Variants in EPHA8 observed in about 807,000 individuals in gnomAD.
EPHA8 encodes the protein EPH receptor A8, also known as ephrin type-A receptor 8.
A neutral mutation model predicts 103.6 loss-of-function variants in EPHA8; 58 were observed. The observed-to-expected ratio is 0.56, with a 90% CI of 0.45 to 0.70. The LOEUF is 0.70. EPHA8 is among the 30% of genes least tolerant of loss of function. The pLI is 0.00. For synonymous variants in EPHA8, 559 were observed against 572.5 expected (o/e 0.98, Z 0.34); for missense variants, 1,304 against 1,395.2 (o/e 0.93, Z 1.04).
At chr1:22,587,611 G>A (rs1641253564) in intron 4 of EPHA8, among the ~76,000 whole-genome samples, 1 of 152,192 alleles carries the variant, frequency 6.6e-6, no homozygotes, top group Non-Finnish European at 1.5e-5. Context: ...CAGGCCTGGG[G>A]AGGGACCACA....
intron 5 of EPHA8, 79 bp from the exon 6 acceptor site, chr1:22,593,228 GGCTGGAACCAGGATCCCCA>G (rs1273557477): frequency 7.4e-6 from 11 of 1,487,724 alleles, no homozygotes; most frequent in Non-Finnish European, 9.9e-6. Context: ...AGCTGAGCAG[GGCTGGAACCAGGATCCCCA>G]GGTGGAACCT....
chr1:22,576,264 G>C lies in EPHA8; in HGVS notation c.207G>C (p.Thr69=). The part of the protein sequence containing the change: ...EVDESFQPIH[T]YQVCNVMSPN... ...ACGAGTCCTTCCAGCCCATCCACAC[G>C]TACCAGGTTTGCAACGTCATGAGCC... is the stretch of plus-strand genomic sequence containing the variant. The change falls in exon 3 of 17, where the codon ACG becomes ACC. Residue 69 remains threonine, a synonymous_variant. Transcript: ENST00000166244. This position sits in a 1 kb window ranked among gnomAD's most constrained non-coding sequence, Gnocchi z 4.8. The C allele has an allele frequency of 6.2e-7, 1 of 1,613,704 alleles. No individual in the cohort carries two copies. The highest frequency in any genetic ancestry group is 8.5e-7 in the Non-Finnish European group (1 of 1,179,948).
chr1:22,571,421 A>G (rs1339091921), intron 2 of EPHA8, among the ~76,000 whole-genome samples: 1 of 152,182 alleles, frequency 6.6e-6, no homozygotes, highest in Non-Finnish European at 1.5e-5. Context: ...AGCAGGTTCC[A>G]GCTGATGGCA....
At chr1:22,571,918 T>TC (rs975286174) in intron 2 of EPHA8, among the ~76,000 whole-genome samples, 34 of 152,128 alleles carry the variant, frequency 2.2e-4, no homozygotes, top group African/African-American at 8.0e-4. Context: ...ACGCTTGTGG[T>TC]CCCCGCTACT....
rs1641576932 is a variant in EPHA8 at position 22,598,180 on chromosome 1, A to G, written c.2146A>G (p.Met716Val). The change falls in exon 12 of 17, where the codon ATG becomes GTG. Residue 716 changes from methionine to valine, a missense_variant. By Grantham distance (21) the Met-to-Val change is conservative. Coordinates refer to ENST00000166244, the MANE Select transcript of EPHA8 (RefSeq NM_020526.5). This position sits in a 1 kb window ranked among gnomAD's most constrained non-coding sequence, Gnocchi z 5.1. ...GRLAMIVTEY[M>V]ENGSLDTFLR... is the part of the protein sequence containing the mutation. ...CCTGGCAATGATTGTGACTGAGTAC[A>G]TGGAGAACGGCTCTCTGGACACCTT... 6.2e-7 allele frequency: 1 copy of G among 1,613,346 alleles called. No homozygotes were observed. The highest frequency in any genetic ancestry group is 8.5e-7 in the Non-Finnish European group (1 of 1,179,918).
intron 3 of EPHA8, among the ~76,000 whole-genome samples, 167 bp downstream of exon 3, chr1:22,577,047 G>A (rs549542230): frequency 5.9e-5 from 9 of 152,298 alleles, no homozygotes; most frequent in African/African-American, 1.9e-4. Context: ...GGAAATATGC[G>A]AGGCCACCTG....
chr1:22,573,226 C>G (rs1209301991), intron 2 of EPHA8, among the ~76,000 whole-genome samples: 1 of 152,168 alleles, frequency 6.6e-6, no homozygotes, highest in Non-Finnish European at 1.5e-5. Flanking sequence ...AATCCTCCCG[C>G]ATGGTCCCTG....
chr1:22,583,449 G>C (rs1031668999), intron 3 of EPHA8, among the ~76,000 whole-genome samples: 2 of 152,236 alleles, frequency 1.3e-5, no homozygotes, highest in Non-Finnish European at 2.9e-5. Flanking sequence ...GGTGCTGGGA[G>C]GACGGGGGGA....
chr1:22,568,794 C>G lies in EPHA8; in HGVS notation c.95-495C>G, dbSNP rs377511830. ...GGAGGTATGACTTTGCAGCATGGAC[C>G]TTGAATGCCATCATGGCTCTTACAG... On this transcript the variant is annotated intron_variant, in intron 1 of 16. Coordinates refer to ENST00000166244, the MANE Select transcript of EPHA8 (RefSeq NM_020526.5). Among the ~76,000 whole-genome samples, 17 of 152,344 alleles carry G rather than the reference C, an allele frequency of 1.1e-4. No homozygotes were observed. In the East Asian group the frequency reaches 2.9e-3, roughly 26 times the overall value.
intron 1 of EPHA8, among the ~76,000 whole-genome samples, chr1:22,565,537 A>G (rs1221891334): frequency 1.3e-5 from 2 of 152,126 alleles, no homozygotes; most frequent in African/African-American, 4.8e-5. Context: ...GCAGGCTCTG[A>G]GGCCCCTCCA....
rs1305224788 is a variant in EPHA8, at chr1:22,598,577, C to T, written c.2179-261C>T. On this transcript the variant is annotated intron_variant, in intron 12 of 16. Coordinates refer to ENST00000166244, the MANE Select transcript of EPHA8 (RefSeq NM_020526.5). This position sits in a 1 kb window ranked among gnomAD's most constrained non-coding sequence, Gnocchi z 5.1. ...GGGTGCTCTTAGGCACAGAGCTTAACCTCTCTGGGCCTCCATCTCTCGTTC... is the reference window on the plus strand; with the variant it reads ...GGGTGCTCTTAGGCACAGAGCTTAATCTCTCTGGGCCTCCATCTCTCGTTC... Among the ~76,000 whole-genome samples, 2 of 152,102 alleles carry T rather than the reference C, an allele frequency of 1.3e-5. No individual in the cohort carries two copies. Among genetic ancestry groups the T allele is most frequent in the Admixed American group, 6.5e-5 (1 of 15,280 alleles).
At chr1:22,599,606 G>T (rs1272880242) in intron 13 of EPHA8, among the ~76,000 whole-genome samples, 1 of 136,154 alleles carries the variant, frequency 7.3e-6, no homozygotes, top group African/African-American at 3.1e-5. Context: ...GTGGAGAGAG[G>T]GAGGGAGGGA....
At chr1:22,599,184 G>A (rs1641609124) in intron 13 of EPHA8, 137 bp downstream of exon 13, 1 of 865,368 alleles carries the variant, frequency 1.2e-6, no homozygotes, top group African/African-American at 1.7e-5. Flanking sequence ...GGCACATCCT[G>A]TTTCTCCTCT....
In EPHA8 at chr1:22,589,622, T is replaced by A; in HGVS notation, c.1315+416T>A. 1 of 1,242,604 alleles carries A rather than the reference T, an allele frequency of 8.0e-7. No homozygotes were observed. The highest frequency in any genetic ancestry group is 1.0e-6 in the Non-Finnish European group (1 of 994,744). 77.0% of individuals were successfully genotyped at this position (1,242,604 alleles called of 1,614,324 possible). On this transcript the variant is annotated intron_variant, in intron 5 of 16. Transcript: ENST00000166244. The surrounding 1 kb of genome is among the most constrained non-coding windows in gnomAD (Gnocchi z 4.3). ...CAATAAATGTCATTAAAAAATAAAA[T>A]CACTCGGATGATCATTTTCCAGAAC...
Position 22,601,070 on chromosome 1 carries a change from C to G in EPHA8, c.2711C>G (p.Ala904Gly). 7.5e-6 allele frequency: 12 copies of G among 1,608,104 alleles called. No homozygotes were observed. Among genetic ancestry groups the G allele is most frequent in the Non-Finnish European group, 1.0e-5 (12 of 1,177,272 alleles). ...ATCCGCAGCCCTGAGAGTCTCAGGGCCACCGCCACAGTCAGCAGGTGCCTT... is the reference window on the plus strand; with the variant it reads ...ATCCGCAGCCCTGAGAGTCTCAGGGGCACCGCCACAGTCAGCAGGTGCCTT... ...ALIRSPESLR[A>G]TATVSRCPPP... The change falls in exon 15 of 17, where the codon GCC becomes GGC. Residue 904 changes from alanine (A) to glycine (G), a missense_variant. Ala to Gly is a moderately conservative substitution (Grantham distance 60, BLOSUM62 0). Transcript: ENST00000166244.
In EPHA8 at chr1:22,595,225, T is replaced by C. The variant is rs924725843; in HGVS notation, c.1604-5T>C. 3 of 1,606,436 alleles carry C rather than the reference T, an allele frequency of 1.9e-6. No homozygotes were observed. Among genetic ancestry groups the C allele is most frequent in the South Asian group, 1.1e-5 (1 of 90,394 alleles). On this transcript the variant is annotated splice_polypyrimidine_tract_variant and splice_region_variant and intron_variant, in intron 7 of 16. Coordinates refer to ENST00000166244, the MANE Select transcript of EPHA8 (RefSeq NM_020526.5). ...TGGTCCCCCAACCCTGGCTTTCCCC[T>C]GCAGGGCCCCGCTATGACACCAGGA...
At chr1:22,577,224 A>G (rs1022546681) in intron 3 of EPHA8, among the ~76,000 whole-genome samples, 1 of 152,188 alleles carries the variant, frequency 6.6e-6, no homozygotes, top group African/African-American at 2.4e-5. Flanking sequence ...CCATGGGCTA[A>G]CTCAGGTCAG....
chr1:22,602,554 G>A lies in EPHA8; in HGVS notation c.*813G>A, dbSNP rs1282997654. On this transcript the variant is annotated 3_prime_UTR_variant, in exon 17 of 17. Transcript: ENST00000166244. ...GGCATCATGGCAGAGCACATGAGAT[G>A]TCCTCAGCTGGGCTTGGCTGCCTGG... 6.5e-6 allele frequency: 1 copy of A among 152,822 alleles called. No individual in the cohort carries two copies. The highest frequency in any genetic ancestry group is 1.5e-5 in the Non-Finnish European group (1 of 68,176). 9.5% of individuals were successfully genotyped at this position (152,822 alleles called of 1,614,324 possible).
At position 22,585,847 on chromosome 1, in the gene EPHA8, C is replaced by G. The variant is rs115495177; in HGVS notation, c.824-633C>G. 7.2e-3 allele frequency among the ~76,000 whole-genome samples: 1,095 copies of G among 152,248 alleles called. 8 individuals carry two copies. Among genetic ancestry groups the G allele is most frequent in the African/African-American group, 0.025 (1,027 of 41,536 alleles). On this transcript the variant is annotated intron_variant, in intron 3 of 16. Coordinates refer to ENST00000166244, the MANE Select transcript of EPHA8 (RefSeq NM_020526.5). ...TCCCATGGGGGCTTGTAAAACAGAC[C>G]CCAGGTACCGGCCCTGGCTCTTCTA...
Sources: gnomAD v4.1 joint callset for allele counts (sites outside exome capture counted in the v4.1 genomes callset) on GRCh38, gnomAD v4.1.1 for gene constraint, Gnocchi (gnomAD v3.1) non-coding constraint, MANE v1.5 for transcripts, NCBI Gene and HGNC (gene_info 2026-07-23, HGNC 2026-07-21) for gene names.